CPQ: variants seen among roughly 807,000 people sequenced by gnomAD.
The protein encoded by CPQ is Ser-Met dipeptidase.
In CPQ, 37 loss-of-function variants were observed where a neutral mutation model predicts 45.7. The ratio of observed to expected loss-of-function variants is 0.81; its 90% CI spans 0.62 to 1.07. The LOEUF (loss-of-function observed/expected upper bound fraction) is 1.07. Ranked by LOEUF, CPQ falls within the 50% of genes least tolerant of loss-of-function variation. The pLI is 0.00. For synonymous variants in CPQ, 186 were observed against 205.8 expected (o/e 0.90, Z 0.82); for missense variants, 537 against 572.9 (o/e 0.94, Z 0.64).
At chr8:96,698,637 A>G (rs975214650) in intron 1 of CPQ, among the ~76,000 whole-genome samples, 3 of 152,180 alleles carry the variant, frequency 2.0e-5, no homozygotes, top group African/African-American at 7.2e-5. Context: ...AGCAGCTCAA[A>G]CAGCTCTATA....
intron 5 of CPQ, among the ~76,000 whole-genome samples, chr8:96,976,247 C>CAAAAAAAAAAAAAAAAAAA (rs55864086): frequency 1.6e-5 from 1 of 60,830 alleles, no homozygotes; most frequent in African/African-American, 6.1e-5. Flanking sequence ...CAATAGCTGA[C>CAAAAAAAAAAAAAAAAAAA]AAAAAAAAAA....
At chr8:96,704,009 T>C (rs1280527193) in intron 1 of CPQ, among the ~76,000 whole-genome samples, 1 of 152,188 alleles carries the variant, frequency 6.6e-6, no homozygotes, top group Non-Finnish European at 1.5e-5. Flanking sequence ...AATAGTCCTA[T>C]GTAGAAAGCA....
intron 2 of CPQ, among the ~76,000 whole-genome samples, chr8:96,825,758 A>C (rs1811371736): frequency 2.0e-5 from 3 of 152,020 alleles, no homozygotes; most frequent in Admixed American, 1.3e-4. Flanking sequence ...TTGTTACAGT[A>C]GTTTCACTCA....
intron 2 of CPQ, among the ~76,000 whole-genome samples, chr8:96,812,749 C>G (rs1202686580): frequency 6.6e-6 from 1 of 152,014 alleles, no homozygotes; most frequent in Non-Finnish European, 1.5e-5. Flanking sequence ...GGGGTTGCCA[C>G]TAGATCAGCT....
chr8:96,742,965 CT>C (rs1348795192), intron 1 of CPQ, among the ~76,000 whole-genome samples: 5 of 152,084 alleles, frequency 3.3e-5, no homozygotes, highest in Admixed American at 3.3e-4. Flanking sequence ...TGGTGTTGCT[CT>C]TCTCGAGGAG....
chr8:96,663,978 A>G lies in CPQ; in HGVS notation c.-35+18576A>G, dbSNP rs371273773. Among the ~76,000 whole-genome samples the G allele has an allele frequency of 1.8e-4, 28 of 152,296 alleles. 1 individual carries two copies. The East Asian group carries it at 2.5e-3, about 14-fold the overall frequency. ...ACTGTATGACCTTGAGCAAATTTCTATTTTTACTAGTGTCAGTTTCCTAAT... is the reference window on the plus strand; with the variant it reads ...ACTGTATGACCTTGAGCAAATTTCTGTTTTTACTAGTGTCAGTTTCCTAAT... On this transcript the variant is annotated intron_variant, in intron 1 of 7. Transcript: ENST00000220763.
chr8:96,750,195 AT>A (rs889897092), intron 1 of CPQ, among the ~76,000 whole-genome samples: 33 of 151,658 alleles, frequency 2.2e-4, no homozygotes, highest in African/African-American at 5.6e-4. Context: ...TCAATGAGAG[AT>A]TTTTTTTAGT....
intron 7 of CPQ, among the ~76,000 whole-genome samples, chr8:97,108,569 T>C (rs1811444232): frequency 6.6e-6 from 1 of 152,228 alleles, no homozygotes; most frequent in Admixed American, 6.5e-5. Flanking sequence ...CTTTGCCTAC[T>C]GCAATCGCTT....
At chr8:96,945,242 C>T (rs905082653) in intron 4 of CPQ, among the ~76,000 whole-genome samples, 5 of 152,060 alleles carry the variant, frequency 3.3e-5, no homozygotes, top group African/African-American at 9.7e-5. Context: ...AGAGCACAGT[C>T]GTCTCAAAAG....
chr8:96,945,999 C>A (rs1031828697), intron 4 of CPQ, among the ~76,000 whole-genome samples: 3 of 152,190 alleles, frequency 2.0e-5, no homozygotes, highest in Non-Finnish European at 4.4e-5. Context: ...ATCCCTGGGT[C>A]ATGCTGACCT....
At chr8:97,064,251 C>A (rs375605868) in intron 6 of CPQ, among the ~76,000 whole-genome samples, 1 of 152,094 alleles carries the variant, frequency 6.6e-6, no homozygotes, top group Non-Finnish European at 1.5e-5. Context: ...TTCTTTTCTC[C>A]TTTTTGCAGG....
At chr8:96,909,785 A>C (rs1174639959) in intron 4 of CPQ, among the ~76,000 whole-genome samples, 1 of 152,206 alleles carries the variant, frequency 6.6e-6, no homozygotes, top group Non-Finnish European at 1.5e-5. Flanking sequence ...ACATTTATAC[A>C]GGGAGGTGAT....
intron 1 of CPQ, among the ~76,000 whole-genome samples, chr8:96,737,309 G>GAT (rs71267276): frequency 0.033 from 3,840 of 117,956 alleles, 67 homozygotes; most frequent in Non-Finnish European, 0.045. Context: ...AAACTAATAG[G>GAT]ATATATATAT....
chr8:96,854,970 G>A (rs1005852211), intron 3 of CPQ, among the ~76,000 whole-genome samples: 1 of 152,182 alleles, frequency 6.6e-6, no homozygotes, highest in African/African-American at 2.4e-5. Flanking sequence ...GTCATGGGAA[G>A]GTATTTAGTG....
intron 7 of CPQ, among the ~76,000 whole-genome samples, chr8:97,134,664 A>G (rs1200009742): frequency 6.6e-6 from 1 of 152,210 alleles, no homozygotes; most frequent in Non-Finnish European, 1.5e-5. Flanking sequence ...CCCACTGGAG[A>G]AAAGGCACAT....
intron 6 of CPQ, among the ~76,000 whole-genome samples, chr8:97,033,102 C>T (rs1248914060): frequency 3.4e-5 from 5 of 148,070 alleles, no homozygotes; most frequent in East Asian, 2.0e-4. Context: ...AATGGAGTCT[C>T]GAGGTCTGCC....
chr8:96,646,177 G>T (rs1387219246), intron 1 of CPQ, among the ~76,000 whole-genome samples: 2 of 151,912 alleles, frequency 1.3e-5, no homozygotes, highest in Non-Finnish European at 2.9e-5. Flanking sequence ...GAGGCATTCT[G>T]ATTGGGACCA....
At position 97,084,199 on chromosome 8, in the gene CPQ, G is replaced by A. The variant is rs113648312; in HGVS notation, c.1255+17989G>A. Reference sequence around the variant, plus strand: ...TGGTACTTCAACCTACTAAAATACTGGGGACAAACTGATGAGAATATCTTG... The same window carrying A: ...TGGTACTTCAACCTACTAAAATACTAGGGACAAACTGATGAGAATATCTTG... On this transcript the variant is annotated intron_variant, in intron 7 of 7. Coordinates refer to ENST00000220763, the MANE Select transcript of CPQ (RefSeq NM_016134.4). Among the ~76,000 whole-genome samples, 686 of 152,174 alleles carry A rather than the reference G, an allele frequency of 4.5e-3. 6 individuals are homozygous for A. The highest frequency in any genetic ancestry group is 0.016 in the African/African-American group (661 of 41,516).
At chr8:96,784,815 A>G (rs1810739137) in intron 1 of CPQ, 49 bp from the exon 2 acceptor site, 2 of 1,351,610 alleles carry the variant, frequency 1.5e-6, no homozygotes, top group Admixed American at 2.2e-5. Flanking sequence ...ATGGGCAGAT[A>G]GCTGTGAGAT....
Sources: allele counts gnomAD v4.1 joint callset (sites outside exome capture counted in the v4.1 genomes callset), GRCh38; gene constraint gnomAD v4.1.1; transcripts MANE v1.5; gene names NCBI Gene and HGNC (gene_info 2026-07-23, HGNC 2026-07-21).